The following ERG variants were observed in gnomAD, a reference collection of about 807,000 sequenced individuals.
The protein encoded by ERG is transcriptional regulator ERG.
A neutral mutation model predicts 55.3 loss-of-function variants in ERG; 9 were observed. That is an observed-to-expected ratio of 0.16 (90% CI 0.10 to 0.28). ERG has a LOEUF of 0.28. ERG is among the 10% of genes least tolerant of loss of function. The pLI is 1.00. For synonymous variants in ERG, 223 were observed against 237.3 expected (o/e 0.94, Z 0.55); for missense variants, 434 against 631.6 (o/e 0.69, Z 3.35).
chr21:38,455,551 AG>A (rs2058980213), intron 1 of ERG, among the ~76,000 whole-genome samples: 1 of 152,150 alleles, frequency 6.6e-6, no homozygotes, highest in Non-Finnish European at 1.5e-5. Context: ...AAACACACAA[AG>A]GCTAAAAATA....
chr21:38,415,270 T>C (rs1189872335), intron 3 of ERG, among the ~76,000 whole-genome samples: 1 of 152,222 alleles, frequency 6.6e-6, no homozygotes, highest in Non-Finnish European at 1.5e-5. Context: ...AGTACCTACA[T>C]CATAGGGTGG....
At chr21:38,454,376 T>C (rs2058969099) in intron 1 of ERG, among the ~76,000 whole-genome samples, 1 of 152,192 alleles carries the variant, frequency 6.6e-6, no homozygotes, top group South Asian at 2.1e-4. Context: ...AACCCTTTCC[T>C]GCCCCAAGTG....
At chr21:38,611,555 C>G (rs1180672088) in intron 1 of ERG, among the ~76,000 whole-genome samples, 1 of 152,184 alleles carries the variant, frequency 6.6e-6, no homozygotes, top group African/African-American at 2.4e-5. Flanking sequence ...CCCCAGATAG[C>G]TCCCGGCTCC....
At chr21:38,569,174 C>G (rs193252199) in intron 2 of ERG, among the ~76,000 whole-genome samples, 3 of 152,346 alleles carry the variant, frequency 2.0e-5, no homozygotes, top group African/African-American at 7.2e-5. Context: ...CTCCCTCCCC[C>G]CCCACCCCCA....
chr21:38,404,440 G>C lies in ERG; in HGVS notation c.389-731C>G, dbSNP rs8133094. On this transcript the variant is annotated intron_variant, in intron 3 of 9. Coordinates refer to ENST00000288319, the MANE Select transcript of ERG (RefSeq NM_182918.4). ...ATGCAGGCCACGTCGTCACACTCCAGTGCTACCTATGGGACAGGGAGAGCA... is the reference window on the plus strand; with the variant it reads ...ATGCAGGCCACGTCGTCACACTCCACTGCTACCTATGGGACAGGGAGAGCA... Among the ~76,000 whole-genome samples, 427 of 152,326 alleles carry C rather than the reference G, an allele frequency of 2.8e-3. 4 individuals carry two copies. Among genetic ancestry groups the C allele is most frequent in the African/African-American group, 9.4e-3 (390 of 41,562 alleles).
intron 2 of ERG, among the ~76,000 whole-genome samples, chr21:38,556,819 A>T (rs991004372): frequency 2.0e-5 from 3 of 152,004 alleles, no homozygotes; most frequent in African/African-American, 7.3e-5. Context: ...CCGCACCCAG[A>T]CCCCCATACT....
At chr21:38,391,202 A>C (rs1223921017) in intron 8 of ERG, among the ~76,000 whole-genome samples, 160 bp from the exon 9 acceptor site, 2 of 152,202 alleles carry the variant, frequency 1.3e-5, no homozygotes, top group Admixed American at 6.5e-5. Flanking sequence ...ATGAGAGAAG[A>C]TGTCACACGG....
At chr21:38,421,605 C>T (rs988154656) in intron 3 of ERG, among the ~76,000 whole-genome samples, 1 of 152,122 alleles carries the variant, frequency 6.6e-6, no homozygotes, top group South Asian at 2.1e-4. Flanking sequence ...TTTAGGTGAC[C>T]CCAGGAGCAA....
At chr21:38,553,671 C>A (rs1430051085) in intron 2 of ERG, among the ~76,000 whole-genome samples, 1 of 152,058 alleles carries the variant, frequency 6.6e-6, no homozygotes, top group Non-Finnish European at 1.5e-5. Flanking sequence ...TTACCATATA[C>A]AAAAATCAAC....
chr21:38,625,611 C>T (rs779679489), intron 1 of ERG, among the ~76,000 whole-genome samples: 2 of 152,148 alleles, frequency 1.3e-5, no homozygotes, highest in Non-Finnish European at 2.9e-5. Flanking sequence ...CAGCAGAAGG[C>T]AGAACGCTCC....
At chr21:38,421,018 A>C (rs1205790295) in intron 3 of ERG, among the ~76,000 whole-genome samples, 1 of 152,112 alleles carries the variant, frequency 6.6e-6, no homozygotes, top group Non-Finnish European at 1.5e-5. Context: ...TCTGGGCAAC[A>C]CACCACTGCC....
At chr21:38,377,491 C>T (rs1268663443), downstream of ERG, among the ~76,000 whole-genome samples, 3 of 152,228 alleles carry the variant, frequency 2.0e-5, no homozygotes, top group East Asian at 3.9e-4. Context: ...TACACATCCA[C>T]CCACCTCCAA....
chr21:38,603,413 G>A (rs1026679915), intron 1 of ERG, among the ~76,000 whole-genome samples: 2 of 152,026 alleles, frequency 1.3e-5, no homozygotes, highest in African/African-American at 4.8e-5. Context: ...AAGGTCAAGA[G>A]ATCGAGACCA....
At chr21:38,398,477 C>T (rs563368565) in intron 6 of ERG, among the ~76,000 whole-genome samples, 3 of 152,116 alleles carry the variant, frequency 2.0e-5, no homozygotes, top group Non-Finnish European at 4.4e-5. Flanking sequence ...CAAACTGAGT[C>T]GCGAAAACAT....
At chr21:38,625,817 T>C (rs1029122642) in intron 1 of ERG, among the ~76,000 whole-genome samples, 1 of 151,968 alleles carries the variant, frequency 6.6e-6, no homozygotes, top group Non-Finnish European at 1.5e-5. Flanking sequence ...TACTAATTAA[T>C]ATGATTGGCG....
intron 1 of ERG, among the ~76,000 whole-genome samples, chr21:38,466,257 A>G (rs1206049860): frequency 6.7e-6 from 1 of 150,322 alleles, no homozygotes; most frequent in Non-Finnish European, 1.5e-5. Flanking sequence ...CACTACAATA[A>G]TGGTCCATAC....
intron 1 of ERG, among the ~76,000 whole-genome samples, chr21:38,625,138 A>G (rs2060316716): frequency 6.6e-6 from 1 of 152,190 alleles, no homozygotes. Flanking sequence ...AATAGACTCT[A>G]TCCAAACCAT....
At chr21:38,618,150 T>C (rs1244968346) in intron 1 of ERG, among the ~76,000 whole-genome samples, 1 of 152,168 alleles carries the variant, frequency 6.6e-6, no homozygotes, top group Non-Finnish European at 1.5e-5. Context: ...AAAGCAAGAC[T>C]AAGCCAGAAT....
At chr21:38,487,156 A>AG (rs936720592) in intron 1 of ERG, among the ~76,000 whole-genome samples, 1 of 151,130 alleles carries the variant, frequency 6.6e-6, no homozygotes, top group African/African-American at 2.4e-5. Flanking sequence ...GGAAAAAAAA[A>AG]AGAAGTGGAT....
Sources: gnomAD v4.1 joint callset for allele counts (sites outside exome capture counted in the v4.1 genomes callset) on GRCh38, gnomAD v4.1.1 for gene constraint, MANE v1.5 for transcripts, NCBI Gene and HGNC (gene_info 2026-07-23, HGNC 2026-07-21) for gene names.